The following TNFSF4 variants were observed in gnomAD, a reference collection of about 807,000 sequenced individuals.
TNFSF4 encodes tumor necrosis factor ligand superfamily member 4.
In TNFSF4, 4 loss-of-function variants were observed where a neutral mutation model predicts 7.3. The ratio of observed to expected loss-of-function variants is 0.55; its 90% confidence interval spans 0.27 to 1.25. The LOEUF (loss-of-function observed/expected upper bound fraction) is 1.25. Ranked by LOEUF, TNFSF4 falls within the 50% of genes most tolerant of loss-of-function variation. The probability of loss-of-function intolerance (pLI) is 0.12; values close to 1 mark genes in which losing one functional copy is unlikely to be tolerated. For synonymous variants in TNFSF4, 76 were observed against 83.7 expected (o/e 0.91, Z 0.50); for missense variants, 181 against 208.8 (o/e 0.87, Z 0.82).
chr1:173,231,964 T>A, the TNFSF4 span, among the ~76,000 whole-genome samples: 1 of 152,146 alleles, frequency 6.6e-6, no homozygotes, highest in African/African-American at 2.4e-5. Flanking sequence ...CTTTTTTGGT[T>A]CCATATGAAC....
At chr1:173,298,244 C>A in the TNFSF4 span, among the ~76,000 whole-genome samples, 1 of 151,828 alleles carries the variant, frequency 6.6e-6, no homozygotes, top group East Asian at 1.9e-4. Flanking sequence ...TAGCCAAGAA[C>A]CCCCAAAACT....
At chr1:173,371,235 A>ACCAGCCTGTAAC in the TNFSF4 span, among the ~76,000 whole-genome samples, 1 of 152,188 alleles carries the variant, frequency 6.6e-6, no homozygotes, top group African/African-American at 2.4e-5. Context: ...GAATCCTGGG[A>ACCAGCCTGTAAC]CAGCCTGTAA....
intron 1 of TNFSF4, among the ~76,000 whole-genome samples, chr1:173,199,810 G>T (rs902451234): frequency 6.6e-6 from 1 of 151,888 alleles, no homozygotes; most frequent in Admixed American, 6.6e-5. Flanking sequence ...AACTAGAAAG[G>T]CCTTGGGAGA....
chr1:173,203,761 C>CT (rs1399247449), intron 1 of TNFSF4, among the ~76,000 whole-genome samples: 1 of 152,122 alleles, frequency 6.6e-6, no homozygotes, highest in Non-Finnish European at 1.5e-5. Context: ...GCCTTCAGGT[C>CT]TTTGAGCATG....
At chr1:173,351,958 GA>G in the TNFSF4 span, 1 of 527,538 alleles carries the variant, frequency 1.9e-6, no homozygotes, top group Non-Finnish European at 3.5e-6. Context: ...CACCAGGCAG[GA>G]AAGGAAAAGG....
the TNFSF4 span, among the ~76,000 whole-genome samples, chr1:173,393,269 C>T: frequency 0.041 from 6,317 of 152,282 alleles, 466 homozygotes; most frequent in African/African-American, 0.14. Flanking sequence ...TTCACATGTC[C>T]TTGCTTCCTA....
chr1:173,193,734 TC>T (rs1649579391), intron 1 of TNFSF4, among the ~76,000 whole-genome samples: 1 of 143,800 alleles, frequency 7.0e-6, no homozygotes, highest in Non-Finnish European at 1.5e-5. Context: ...ACTCCAGGCT[TC>T]CCTCTTGGGT....
At chr1:173,376,069 G>A in the TNFSF4 span, among the ~76,000 whole-genome samples, 1 of 152,130 alleles carries the variant, frequency 6.6e-6, no homozygotes, top group African/African-American at 2.4e-5. Flanking sequence ...GCTTTCCTAT[G>A]ACCATGGTTC....
At chr1:173,443,089 C>A in the TNFSF4 span, among the ~76,000 whole-genome samples, 1 of 152,118 alleles carries the variant, frequency 6.6e-6, no homozygotes, top group Non-Finnish European at 1.5e-5. Flanking sequence ...AACATGTGGG[C>A]ACTATTAGGG....
chr1:173,281,252 G>A, the TNFSF4 span, among the ~76,000 whole-genome samples: 1 of 152,058 alleles, frequency 6.6e-6, no homozygotes, highest in East Asian at 1.9e-4. Flanking sequence ...TTTGCCAAGG[G>A]TGATTTCAAT....
chr1:173,324,662 G>A, the TNFSF4 span, among the ~76,000 whole-genome samples: 3 of 152,238 alleles, frequency 2.0e-5, no homozygotes, highest in East Asian at 1.9e-4. Flanking sequence ...TAAAGGGATG[G>A]AGGAAGATCT....
At chr1:173,203,158 T>G (rs76318159) in intron 1 of TNFSF4, among the ~76,000 whole-genome samples, 5 of 152,282 alleles carry the variant, frequency 3.3e-5, no homozygotes, top group East Asian at 1.9e-4. Flanking sequence ...TCATTGATAA[T>G]AAGAAGAACC....
At chr1:173,250,409 C>G in the TNFSF4 span, among the ~76,000 whole-genome samples, 1 of 151,752 alleles carries the variant, frequency 6.6e-6, no homozygotes, top group Non-Finnish European at 1.5e-5. Context: ...ACAAAGCTAC[C>G]AGCCATACTG....
At chr1:173,199,472 A>C (rs888361885) in intron 1 of TNFSF4, among the ~76,000 whole-genome samples, 3 of 152,186 alleles carry the variant, frequency 2.0e-5, no homozygotes, top group African/African-American at 4.8e-5. Flanking sequence ...ATTTGAAAGA[A>C]GGCCATGTGA....
At chr1:173,213,826 A>G in the TNFSF4 span, among the ~76,000 whole-genome samples, 1 of 152,236 alleles carries the variant, frequency 6.6e-6, no homozygotes, top group African/African-American at 2.4e-5. Flanking sequence ...ATAAATTAGA[A>G]TTAGCATAAA....
the TNFSF4 span, among the ~76,000 whole-genome samples, chr1:173,349,135 TCTC>T: frequency 2.5e-4 from 38 of 152,232 alleles, no homozygotes; most frequent in African/African-American, 9.1e-4. Context: ...TTCACGCCAT[TCTC>T]CTGTCTCAGC....
the TNFSF4 span, among the ~76,000 whole-genome samples, chr1:173,320,182 G>A: frequency 0.048 from 7,302 of 152,166 alleles, 471 homozygotes; most frequent in African/African-American, 0.15. Context: ...TTCAACACAC[G>A]CAAATCAATA....
the TNFSF4 span, among the ~76,000 whole-genome samples, chr1:173,251,111 T>C: frequency 6.6e-6 from 1 of 152,104 alleles, no homozygotes; most frequent in African/African-American, 2.4e-5. Context: ...ACACTTAGGT[T>C]TGGAAACGTT....
At chr1:173,328,121 T>C in the TNFSF4 span, among the ~76,000 whole-genome samples, 3 of 151,954 alleles carry the variant, frequency 2.0e-5, no homozygotes, top group Admixed American at 6.6e-5. Flanking sequence ...CCAACAATGA[T>C]AGACTGGATT....
Sources: allele counts gnomAD v4.1 joint callset (sites outside exome capture counted in the v4.1 genomes callset), GRCh38; gene constraint gnomAD v4.1.1; transcripts MANE v1.5; gene names NCBI Gene and HGNC (gene_info 2026-07-23, HGNC 2026-07-21).